Variants in OSBPL10 observed in about 807,000 individuals in gnomAD.
OSBPL10 encodes the protein oxysterol binding protein like 10.
Under a neutral mutation model 81.7 loss-of-function variants are expected in OSBPL10, and 49 were observed. The ratio of observed to expected loss-of-function variants is 0.60; its 90% CI spans 0.48 to 0.76. The LOEUF (loss-of-function observed/expected upper bound fraction) is 0.76, where lower values mean the gene tolerates loss of function less well. Ranked by LOEUF, OSBPL10 falls within the 30% of genes least tolerant of loss-of-function variation. The pLI, the probability that OSBPL10 is intolerant of heterozygous loss-of-function variation, is 0.00. For synonymous variants in OSBPL10, 419 were observed against 383.6 expected (o/e 1.09, Z -1.08); for missense variants, 923 against 987.8 (o/e 0.93, Z 0.88).
intron 6 of OSBPL10, among the ~76,000 whole-genome samples, chr3:31,716,570 T>C (rs1218965582): frequency 6.6e-6 from 1 of 152,186 alleles, no homozygotes; most frequent in African/African-American, 2.4e-5. Context: ...GATAGGGGCC[T>C]GGCTCCCAGG....
chr3:31,786,485 A>T (rs1352882937), intron 4 of OSBPL10, among the ~76,000 whole-genome samples: 1 of 152,180 alleles, frequency 6.6e-6, no homozygotes, highest in East Asian at 1.9e-4. Flanking sequence ...AGGTGCCTGT[A>T]GGTTCTGTGT....
intron 4 of OSBPL10, among the ~76,000 whole-genome samples, chr3:31,771,243 A>C (rs879438938): frequency 1.3e-5 from 2 of 152,256 alleles, no homozygotes; most frequent in Admixed American, 6.5e-5. Context: ...TGTAGGAAAC[A>C]CTGAATAAAT....
chr3:31,920,271 C>T (rs1696872585), intron 1 of OSBPL10, among the ~76,000 whole-genome samples: 1 of 152,018 alleles, frequency 6.6e-6, no homozygotes, highest in African/African-American at 2.4e-5. Context: ...ATAGAACTGT[C>T]CAACACAAAG....
chr3:31,662,657 A>G, intron 11 of OSBPL10: 1 of 986,010 alleles, frequency 1.0e-6, no homozygotes, highest in Non-Finnish European at 1.2e-6. Flanking sequence ...CACTATACTG[A>G]ATAACTGTGC....
At chr3:31,886,957 C>G (rs1250301882) in intron 1 of OSBPL10, among the ~76,000 whole-genome samples, 1 of 151,746 alleles carries the variant, frequency 6.6e-6, no homozygotes, top group African/African-American at 2.4e-5. Context: ...AAAAGAAAAC[C>G]CTTCTCCATG....
chr3:31,779,634 T>C (rs1277335425), intron 4 of OSBPL10, among the ~76,000 whole-genome samples: 1 of 152,194 alleles, frequency 6.6e-6, no homozygotes, highest in African/African-American at 2.4e-5. Context: ...CTGACAGCAC[T>C]AGACAGGTCA....
intron 4 of OSBPL10, among the ~76,000 whole-genome samples, chr3:31,757,184 C>A (rs1697912138): frequency 6.6e-6 from 1 of 152,138 alleles, no homozygotes; most frequent in Non-Finnish European, 1.5e-5. Flanking sequence ...ATGCTGAAGT[C>A]CTAATTCCCA....
intron 1 of OSBPL10, among the ~76,000 whole-genome samples, chr3:32,063,028 T>G (rs1272578860): frequency 1.1e-5 from 1 of 93,600 alleles, no homozygotes. Flanking sequence ...ACTGAAAATA[T>G]TTATGTATTC....
intron 1 of OSBPL10, among the ~76,000 whole-genome samples, chr3:32,060,080 C>CTA (rs3081642): frequency 0.13 from 18,430 of 147,164 alleles, 1,224 homozygotes; most frequent in African/African-American, 0.19. Flanking sequence ...AGTCAATGAG[C>CTA]TATATATATA....
rs1491035746 is a variant in OSBPL10, at chr3:31,766,347, G to GTT, written c.730-18229_730-18228dup. ...TTTTTTTGTTTTTTTGTTTTTTTTTGTTTTTTTTTTGAGACACGGTCTCAC... is the reference window on the plus strand; with the variant it reads ...TTTTTTTGTTTTTTTGTTTTTTTTTGTTTTTTTTTTTTGAGACACGGTCTCAC... On this transcript the variant is annotated intron_variant, in intron 4 of 11. Coordinates refer to ENST00000396556, the MANE Select transcript of OSBPL10 (RefSeq NM_017784.5). 1.2e-3 allele frequency among the ~76,000 whole-genome samples: 40 copies of GTT among 32,986 alleles called. 1 individual carries two copies. The highest frequency in any genetic ancestry group is 1.9e-3 in the African/African-American group (36 of 19,160). 21.6% of individuals were successfully genotyped at this position (32,986 alleles called of 152,430 possible). A position where few individuals can be genotyped will look rare whatever the true frequency, so the allele number is the denominator to read the frequency against.
At chr3:31,872,449 G>A (rs894773540) in intron 3 of OSBPL10, among the ~76,000 whole-genome samples, 2 of 135,158 alleles carry the variant, frequency 1.5e-5, no homozygotes, top group Non-Finnish European at 3.0e-5. Context: ...TGTTTTTGTT[G>A]TTGTTTTTTT....
intron 1 of OSBPL10, among the ~76,000 whole-genome samples, chr3:31,965,755 TA>T (rs1173749547): frequency 2.9e-5 from 2 of 69,010 alleles, no homozygotes; most frequent in Non-Finnish European, 2.4e-5. Flanking sequence ...TAATATATAT[TA>T]TATTAAAAGA....
At chr3:31,778,896 G>T (rs998698575) in intron 4 of OSBPL10, among the ~76,000 whole-genome samples, 5 of 152,124 alleles carry the variant, frequency 3.3e-5, no homozygotes, top group African/African-American at 1.2e-4. Context: ...AGCCAGAAGG[G>T]ACTGGGATCC....
At chr3:31,905,811 T>A (rs1372168676) in intron 1 of OSBPL10, among the ~76,000 whole-genome samples, 1 of 151,900 alleles carries the variant, frequency 6.6e-6, no homozygotes, top group East Asian at 1.9e-4. Flanking sequence ...AATATAAGAC[T>A]TCTTAGCAAG....
intron 5 of OSBPL10, among the ~76,000 whole-genome samples, chr3:31,734,606 C>T (rs1697091680): frequency 6.6e-6 from 1 of 152,108 alleles, no homozygotes; most frequent in Non-Finnish European, 1.5e-5. Flanking sequence ...GGTGTGGTGA[C>T]ACAAGCCTGT....
At chr3:31,712,627 C>G (rs1053884883) in intron 6 of OSBPL10, among the ~76,000 whole-genome samples, 1 of 152,176 alleles carries the variant, frequency 6.6e-6, no homozygotes, top group East Asian at 1.9e-4. Context: ...CCTAGGGCCT[C>G]CAGAAAGCAA....
chr3:31,839,751 GAGC>G (rs1297848777), intron 3 of OSBPL10, among the ~76,000 whole-genome samples: 1 of 151,380 alleles, frequency 6.6e-6, no homozygotes, highest in African/African-American at 2.4e-5. Flanking sequence ...GCAAAGCATA[GAGC>G]AATATGGAGT....
intron 1 of OSBPL10, among the ~76,000 whole-genome samples, chr3:31,915,581 G>A (rs1265173788): frequency 6.6e-6 from 1 of 152,038 alleles, no homozygotes; most frequent in Non-Finnish European, 1.5e-5. Flanking sequence ...CATAATGGTG[G>A]CAACAATAAA....
At chr3:31,689,194 C>T (rs1174644643) in intron 7 of OSBPL10, among the ~76,000 whole-genome samples, 1 of 151,836 alleles carries the variant, frequency 6.6e-6, no homozygotes, top group Non-Finnish European at 1.5e-5. Flanking sequence ...CTGACTTGAA[C>T]TCTTCAGTAT....
Sources: allele counts gnomAD v4.1 joint callset (sites outside exome capture counted in the v4.1 genomes callset), GRCh38; gene constraint gnomAD v4.1.1; transcripts MANE v1.5; gene names NCBI Gene and HGNC (gene_info 2026-07-23, HGNC 2026-07-21).